CEP57L1: variants seen among roughly 807,000 people sequenced by gnomAD.
CEP57L1 encodes the protein centrosomal protein CEP57L1.
Under a neutral mutation model 61.0 loss-of-function variants are expected in CEP57L1, and 37 were observed. The observed-to-expected ratio is 0.61, with a 90% CI of 0.47 to 0.80. The LOEUF (loss-of-function observed/expected upper bound fraction) is 0.80. CEP57L1 is among the 30% of genes least tolerant of loss of function. CEP57L1 has a pLI of 0.00. For synonymous variants in CEP57L1, 137 were observed against 162.3 expected (o/e 0.84, Z 1.19); for missense variants, 422 against 524.7 (o/e 0.80, Z 1.91).
At chr6:109,149,174 G>T (rs1015169068) in intron 3 of CEP57L1, among the ~76,000 whole-genome samples, 2,085 of 152,156 alleles carry the variant, frequency 0.014, 56 homozygotes, top group African/African-American at 0.048. Context: ...TTTTGGTGTT[G>T]TAGACATGAA....
chr6:109,154,489 T>A (rs1773012300), intron 5 of CEP57L1, among the ~76,000 whole-genome samples: 2 of 152,146 alleles, frequency 1.3e-5, no homozygotes, highest in South Asian at 4.1e-4. Context: ...ATTTCCTTGC[T>A]TTGTTGTTTT....
chr6:109,095,323 G>A, upstream of CEP57L1: 2 of 985,972 alleles, frequency 2.0e-6, no homozygotes, highest in Non-Finnish European at 2.4e-6. Flanking sequence ...GGCGCGAAGG[G>A]ACTCCTGGAA....
Position 109,145,365 on chromosome 6 carries a change from T to A in CEP57L1, c.144T>A (p.His48Gln), listed in dbSNP as rs759284954. The part of the protein sequence containing the change: ...NLEVTSPKIL[H>Q]SPNSQALILA... ...AAGTTACCTCTCCTAAGATACTTCA[T>A]AGCCCAAATAGCCAAGGTAATGCTG... is the stretch of plus-strand genomic sequence containing the variant. Residue 48 changes from histidine (H) to glutamine (Q), a missense_variant, in exon 2 of 11, where the codon CAT becomes CAA. By Grantham distance (24) the His-to-Gln change is conservative. Coordinates refer to ENST00000517392, the MANE Select transcript of CEP57L1 (RefSeq NM_001271852.3). The A allele has an allele frequency of 1.3e-6, 2 of 1,599,702 alleles. No homozygotes were observed. The highest frequency in any genetic ancestry group is 1.7e-6 in the Non-Finnish European group (2 of 1,173,576).
At chr6:109,134,108 A>G (rs1774523929) in intron 1 of CEP57L1, among the ~76,000 whole-genome samples, 5 of 152,192 alleles carry the variant, frequency 3.3e-5, no homozygotes, top group Admixed American at 3.3e-4. Context: ...AGACAAAACA[A>G]AAAAAGAGAA....
intron 9 of CEP57L1, 108 bp downstream of exon 9, chr6:109,159,570 A>G: frequency 2.0e-6 from 2 of 986,270 alleles, no homozygotes; most frequent in Non-Finnish European, 3.0e-6. Context: ...CGGCCTCCCA[A>G]AGTGCTAGGA....
Position 109,160,590 on chromosome 6 carries a change from G to A in CEP57L1, c.1035G>A (p.Leu345=). The stretch of plus-strand genomic sequence containing the variant: ...TTCATAGGGAGCACCAAGAACTACT[G>A]AAACAAATGAAGGAAACTGAAAGTC... ...DQMSMEHQEL[L]KQMKETESHS... Residue 345 remains leucine, a synonymous_variant, in exon 10 of 11, where the codon CTG becomes CTA. Coordinates refer to ENST00000517392, the MANE Select transcript of CEP57L1 (RefSeq NM_001271852.3). 1 of 1,607,062 alleles carries A rather than the reference G, an allele frequency of 6.2e-7. No individual in the cohort carries two copies. Among genetic ancestry groups the A allele is most frequent in the Non-Finnish European group, 8.5e-7 (1 of 1,177,344 alleles).
intron 1 of CEP57L1, among the ~76,000 whole-genome samples, chr6:109,112,128 A>G (rs570509204): frequency 6.6e-6 from 1 of 152,326 alleles, no homozygotes; most frequent in African/African-American, 2.4e-5. Context: ...CTCTGGTAGA[A>G]TTCGGCTGTG....
At chr6:109,134,113 A>C (rs1241246136) in intron 1 of CEP57L1, among the ~76,000 whole-genome samples, 1 of 152,222 alleles carries the variant, frequency 6.6e-6, no homozygotes, top group Admixed American at 6.5e-5. Context: ...AAACAAAAAA[A>C]GAGAATTTTA....
At chr6:109,097,437 T>C (rs1781835736) in intron 1 of CEP57L1, among the ~76,000 whole-genome samples, 1 of 152,216 alleles carries the variant, frequency 6.6e-6, no homozygotes. Flanking sequence ...AAGCCTGACA[T>C]CATCTGGTAC....
intron 1 of CEP57L1, among the ~76,000 whole-genome samples, chr6:109,131,072 T>C (rs1774143229): frequency 6.6e-6 from 1 of 152,206 alleles, no homozygotes; most frequent in Non-Finnish European, 1.5e-5. Context: ...TATCAAGGAA[T>C]GTTTTTTAAG....
Position 109,169,098 on chromosome 6 carries a change from T to G in CEP57L1, c.*6128T>G, listed in dbSNP as rs1329625504. On this transcript the variant is annotated 3_prime_UTR_variant, in exon 11 of 11. Transcript: ENST00000517392. ...AAAATTAGCCGGGCATGGTGGTATG[T>G]GCCTGTAATCCCGGGTACTCGGGAG... Among the ~76,000 whole-genome samples the G allele has an allele frequency of 6.6e-6, 1 of 151,486 alleles. No individual in the cohort carries two copies. The highest frequency in any genetic ancestry group is 1.5e-5 in the Non-Finnish European group (1 of 67,850).
rs563662081 is a variant in CEP57L1, at chr6:109,122,091, T to G, written c.-3-23128T>G. On this transcript the variant is annotated intron_variant, in intron 1 of 10. Coordinates refer to ENST00000517392, the MANE Select transcript of CEP57L1 (RefSeq NM_001271852.3). ...TGGCCTCAATTGAAGTCAGATTACT[T>G]CAGAAAGGATTTGCATTTCGCTCTG... 4.6e-5 allele frequency among the ~76,000 whole-genome samples: 7 copies of G among 152,354 alleles called. No individual in the cohort carries two copies. In the South Asian group the frequency reaches 1.4e-3, roughly 32 times the overall value.
chr6:109,101,623 CTT>C (rs1175348573), intron 1 of CEP57L1, among the ~76,000 whole-genome samples: 13 of 139,878 alleles, frequency 9.3e-5, no homozygotes, highest in Admixed American at 2.8e-4. Context: ...TTTCTTTTTT[CTT>C]TTTTTTTTTT....
At chr6:109,125,803 A>G (rs1238070526) in intron 1 of CEP57L1, among the ~76,000 whole-genome samples, 1 of 151,964 alleles carries the variant, frequency 6.6e-6, no homozygotes, top group Admixed American at 6.6e-5. Flanking sequence ...TTATAAATAT[A>G]ATAAACATTA....
chr6:109,152,648 T>C lies in CEP57L1; in HGVS notation c.463-1185T>C, dbSNP rs1291503016. ...ATAGATGTGCGTGCGTGTGTGTGTG[T>C]GTGTGTGTGTGTGTGTGTGTGTGTG... On this transcript the variant is annotated intron_variant, in intron 4 of 10. Coordinates refer to ENST00000517392, the MANE Select transcript of CEP57L1 (RefSeq NM_001271852.3). Among the ~76,000 whole-genome samples the C allele has an allele frequency of 3.1e-4, 27 of 87,110 alleles. No homozygotes were observed. In the East Asian group the frequency reaches 5.3e-3, roughly 17 times the overall value. The allele number at this position is 87,110 out of a possible 152,430, so 57.1% of individuals were successfully genotyped here.
Position 109,160,572 on chromosome 6 carries a change from G to A in CEP57L1, c.1017G>A (p.Met339Ile). 6.3e-7 allele frequency: 1 copy of A among 1,597,816 alleles called. No homozygotes were observed. Among genetic ancestry groups the A allele is most frequent in the Non-Finnish European group, 8.5e-7 (1 of 1,173,004 alleles). ...AMQDELDQMS[M>I]EHQELLKQMK... ...CTTAATATTTGCTATTCTTTCATAG[G>A]GAGCACCAAGAACTACTGAAACAAA... The change falls in exon 10 of 11, where the codon ATG becomes ATA. Residue 339 changes from methionine (M) to isoleucine (I), a missense_variant and splice_region_variant. Physicochemically the swap from Met to Ile is conservative, Grantham distance 10. Transcript: ENST00000517392.
At chr6:109,134,364 C>G (rs936214191) in intron 1 of CEP57L1, among the ~76,000 whole-genome samples, 1 of 152,080 alleles carries the variant, frequency 6.6e-6, no homozygotes, top group Non-Finnish European at 1.5e-5. Context: ...ATTCAACAGC[C>G]CTTCATGCTA....
chr6:109,157,220 G>A (rs1446658591), intron 7 of CEP57L1: 1 of 152,148 alleles, frequency 6.6e-6, no homozygotes, highest in African/African-American at 2.4e-5. Context: ...AAATAATGAT[G>A]TCTCTTTTTA....
rs542863063 is a variant in CEP57L1, at chr6:109,165,798, T to A, written c.*2828T>A. 3.3e-5 allele frequency: 5 copies of A among 152,348 alleles called. No homozygotes were observed. The highest frequency in any genetic ancestry group is 2.1e-4 in the South Asian group (1 of 4,830). 9.4% of individuals were successfully genotyped at this position (152,348 alleles called of 1,614,324 possible). On this transcript the variant is annotated 3_prime_UTR_variant, in exon 11 of 11. Coordinates refer to ENST00000517392, the MANE Select transcript of CEP57L1 (RefSeq NM_001271852.3). The stretch of plus-strand genomic sequence containing the variant: ...CTCCTCAGGGGGTGGAGCAAAAGAT[T>A]TCTTTCCTGGATGGAGCAGTCAGTC...
Sources: allele counts gnomAD v4.1 joint callset (sites outside exome capture counted in the v4.1 genomes callset), GRCh38; gene constraint gnomAD v4.1.1; transcripts MANE v1.5; gene names NCBI Gene and HGNC (gene_info 2026-07-23, HGNC 2026-07-21).